Variants in COPS3 observed in about 807,000 individuals in gnomAD.
The protein encoded by COPS3 is COP9 signalosome complex subunit 3.
COPS3 carries 10 observed loss-of-function variants against 58.2 expected under a neutral mutation model. That is an observed-to-expected ratio of 0.17 (90% CI 0.11 to 0.29). The LOEUF is 0.29. Ranked by LOEUF, COPS3 falls within the 10% of genes least tolerant of loss-of-function variation. The pLI is 1.00. For synonymous variants in COPS3, 187 were observed against 181.7 expected (o/e 1.03, Z -0.24); for missense variants, 333 against 510.1 (o/e 0.65, Z 3.34).
chr17:17,255,535 G>C lies in COPS3; in HGVS notation c.937-590C>G, dbSNP rs1424288327. ...TCCCATTGATGTACAGAATAGATTTGTGTAGATGACTTAAAACTGATGGGC... is the reference window on the plus strand; with the variant it reads ...TCCCATTGATGTACAGAATAGATTTCTGTAGATGACTTAAAACTGATGGGC... On this transcript the variant is annotated intron_variant, in intron 8 of 11. Transcript: ENST00000268717. Among the ~76,000 whole-genome samples, 32 of 149,134 alleles carry C rather than the reference G, an allele frequency of 2.1e-4. 1 individual carries two copies. The East Asian group carries it at 5.6e-3, about 26-fold the overall frequency.
intron 8 of COPS3, among the ~76,000 whole-genome samples, chr17:17,256,489 T>C (rs1163984843): frequency 1.3e-5 from 2 of 152,204 alleles, no homozygotes; most frequent in Non-Finnish European, 2.9e-5. Flanking sequence ...TGGGATCTGA[T>C]GAAAATGACC....
At chr17:17,271,446 G>A (rs564550837) in intron 2 of COPS3, among the ~76,000 whole-genome samples, 1 of 151,152 alleles carries the variant, frequency 6.6e-6, no homozygotes, top group African/African-American at 2.4e-5. Flanking sequence ...AAATAAATAA[G>A]AACTAGAATC....
chr17:17,250,999 A>G (rs115998023), intron 9 of COPS3, among the ~76,000 whole-genome samples: 3,600 of 152,206 alleles, frequency 0.024, 134 homozygotes, highest in African/African-American at 0.082. Flanking sequence ...CTATTTATTT[A>G]TTTACATTAT....
chr17:17,251,814 G>A (rs748250096), intron 9 of COPS3, among the ~76,000 whole-genome samples: 2 of 151,672 alleles, frequency 1.3e-5, no homozygotes, highest in African/African-American at 4.8e-5. Context: ...GGCCGGGCAC[G>A]GTGGCTCATG....
At chr17:17,251,425 G>A (rs2047840069) in intron 9 of COPS3, among the ~76,000 whole-genome samples, 1 of 151,904 alleles carries the variant, frequency 6.6e-6, no homozygotes, top group African/African-American at 2.4e-5. Flanking sequence ...CTCCCAAGTA[G>A]CTGGGATTAC....
intron 9 of COPS3, among the ~76,000 whole-genome samples, chr17:17,250,680 C>T (rs1433957455): frequency 6.6e-6 from 1 of 152,118 alleles, no homozygotes; most frequent in Admixed American, 6.6e-5. Flanking sequence ...AAGTGAGATA[C>T]CAATAAAAGT....
rs553294077 is a variant in COPS3 at position 17,267,635 on chromosome 17, CAAAAAA to C, written c.441+244_441+249del. Among the ~76,000 whole-genome samples, 3 of 107,188 alleles carry C rather than the reference CAAAAAA, an allele frequency of 2.8e-5. 1 individual carries two copies. Among genetic ancestry groups the C allele is most frequent in the Non-Finnish European group, 5.4e-5 (3 of 55,638 alleles). The allele number at this position is 107,188 out of a possible 152,430, so 70.3% of individuals were successfully genotyped here. On this transcript the variant is annotated intron_variant, in intron 5 of 11. Coordinates refer to ENST00000268717, the MANE Select transcript of COPS3 (RefSeq NM_003653.4). ...CATGGGCGACAAAGTGAGACTGTCT[CAAAAAA>C]AAAAAAAAAAAAAGTTACAACTATT...
chr17:17,269,963 C>A (rs2048309228), intron 4 of COPS3, among the ~76,000 whole-genome samples: 1 of 152,078 alleles, frequency 6.6e-6, no homozygotes, highest in African/African-American at 2.4e-5. Context: ...TCGAGACCAG[C>A]CTGGCAACAT....
chr17:17,267,277 G>A (rs575887725), intron 5 of COPS3, among the ~76,000 whole-genome samples: 1 of 148,972 alleles, frequency 6.7e-6, no homozygotes, highest in Non-Finnish European at 1.5e-5. Context: ...GGCGGAGCTT[G>A]CAGTGAGCTG....
chr17:17,271,840 C>CTATATATA (rs10653495), intron 2 of COPS3, among the ~76,000 whole-genome samples: 87 of 139,162 alleles, frequency 6.3e-4, no homozygotes, highest in Non-Finnish European at 9.1e-4. Context: ...CTATATATAT[C>CTATATATA]TATATATATA....
At position 17,267,903 on chromosome 17, in the gene COPS3, T is replaced by C. The variant is rs1196261459; in HGVS notation, c.423A>G (p.Ile141Met). 2 of 1,614,034 alleles carry C rather than the reference T, an allele frequency of 1.2e-6. No individual in the cohort carries two copies. The highest frequency in any genetic ancestry group is 1.7e-6 in the Non-Finnish European group (2 of 1,179,946). ...MQMNTNQLTS[I>M]HADLCQLCLL... ...TGCTTACCTGGCAGAGATCAGCATG[T>C]ATTGAGGTCAGCTGGTTTGTATTCA... Residue 141 changes from isoleucine (I) to methionine (M), a missense_variant, in exon 5 of 12, where the codon ATA (isoleucine) becomes ATG (methionine). Ile to Met is a conservative substitution (Grantham distance 10). Coordinates refer to ENST00000268717, the MANE Select transcript of COPS3 (RefSeq NM_003653.4).
At chr17:17,275,631 AAAAT>A (rs1053401245) in intron 2 of COPS3, among the ~76,000 whole-genome samples, 1 of 152,224 alleles carries the variant, frequency 6.6e-6, no homozygotes, top group Non-Finnish European at 1.5e-5. Flanking sequence ...TCTACACCAA[AAAAT>A]AAATAAATAA....
intron 5 of COPS3, among the ~76,000 whole-genome samples, chr17:17,266,876 C>T (rs993680021): frequency 6.6e-6 from 1 of 151,236 alleles, no homozygotes; most frequent in South Asian, 2.1e-4. Context: ...TCAGGTTCCA[C>T]AATTTTTTTT....
intron 8 of COPS3, among the ~76,000 whole-genome samples, chr17:17,258,364 T>C (rs1481532518): frequency 6.6e-6 from 1 of 152,172 alleles, no homozygotes; most frequent in Non-Finnish European, 1.5e-5. Context: ...AGTGGTGCAA[T>C]CTCGGCTCAC....
At chr17:17,280,730 C>A in intron 1 of COPS3, 1 of 1,247,338 alleles carries the variant, frequency 8.0e-7, no homozygotes, top group Non-Finnish European at 1.0e-6. Flanking sequence ...GCCTAGTCAG[C>A]AAGCTGCGGA....
At position 17,246,852 on chromosome 17, in the gene COPS3, A is replaced by G; in HGVS notation, c.*246T>C. ...CAAGCAACTTAAAACAAAAAGGTAG[A>G]TTTAATGCAGTAACAATAATCTGAG... On this transcript the variant is annotated 3_prime_UTR_variant, in exon 12 of 12. Transcript: ENST00000268717. 1.9e-6 allele frequency: 1 copy of G among 514,442 alleles called. No individual in the cohort carries two copies. The highest frequency in any genetic ancestry group is 2.9e-5 in the South Asian group (1 of 34,838). The allele number at this position is 514,442 out of a possible 1,614,324, so 31.9% of individuals were successfully genotyped here.
chr17:17,264,425 T>C (rs8072407), intron 6 of COPS3, among the ~76,000 whole-genome samples: 4,392 of 152,268 alleles, frequency 0.029, 205 homozygotes, highest in African/African-American at 0.099. Flanking sequence ...GTTTCACTGA[T>C]TAAATAAAAC....
intron 5 of COPS3, among the ~76,000 whole-genome samples, chr17:17,266,984 A>G (rs2048236060): frequency 6.7e-6 from 1 of 150,038 alleles, no homozygotes; most frequent in Non-Finnish European, 1.5e-5. Context: ...TTGGGATTAC[A>G]GGCGTGAACC....
chr17:17,247,258 C>G, intron 11 of COPS3, 107 bp from the exon 12 acceptor site: 1 of 1,153,972 alleles, frequency 8.7e-7, no homozygotes, highest in Non-Finnish European at 1.3e-6. Flanking sequence ...ACAAAGCCCC[C>G]TGTGAACAAG....
Sources: gnomAD v4.1 joint callset for allele counts (sites outside exome capture counted in the v4.1 genomes callset) on GRCh38, gnomAD v4.1.1 for gene constraint, MANE v1.5 for transcripts, NCBI Gene and HGNC (gene_info 2026-07-23, HGNC 2026-07-21) for gene names.